The following SFI1 variants were observed in gnomAD, a reference collection of about 807,000 sequenced individuals.
SFI1 encodes the protein protein SFI1 homolog.
In SFI1, 195 loss-of-function variants were observed where a neutral mutation model predicts 207.5. That is an observed-to-expected ratio of 0.94 (90% CI 0.84 to 1.06). SFI1 has a LOEUF of 1.06. Ranked by LOEUF, SFI1 falls within the 50% of genes least tolerant of loss-of-function variation. The pLI, the probability that SFI1 is intolerant of heterozygous loss-of-function variation, is 0.00. For missense variants in SFI1, 1,634 were observed against 1,588.0 expected, an observed-to-expected ratio of 1.03 and a Z score of -0.49; for synonymous variants, 630 against 598.9, an observed-to-expected ratio of 1.05 and a Z score of -0.76.
intron 21 of SFI1, 40 bp downstream of exon 21, chr22:31,606,470 G>A (rs998951410): frequency 6.4e-7 from 1 of 1,556,414 alleles, no homozygotes; most frequent in Admixed American, 1.7e-5. Flanking sequence ...CAGGAGAGTT[G>A]GGACTGTGTT....
intron 8 of SFI1, among the ~76,000 whole-genome samples, chr22:31,565,701 AAAATAAAT>A (rs551290438): frequency 6.6e-6 from 1 of 152,114 alleles, no homozygotes; most frequent in Non-Finnish European, 1.5e-5. Flanking sequence ...CCCTGTCTCA[AAAATAAAT>A]AAATAAATAA....
At chr22:31,518,556 G>A (rs2056825139) in intron 2 of SFI1, among the ~76,000 whole-genome samples, 1 of 152,074 alleles carries the variant, frequency 6.6e-6, no homozygotes, top group African/African-American at 2.4e-5. Flanking sequence ...GCTGTCAACT[G>A]TATTAGTCTT....
intron 2 of SFI1, among the ~76,000 whole-genome samples, chr22:31,523,296 C>G (rs2057498602): frequency 6.6e-6 from 1 of 152,024 alleles, no homozygotes; most frequent in East Asian, 1.9e-4. Context: ...TTAAGGAGGG[C>G]CATTTACAAA....
chr22:31,545,067 C>T (rs539742142), intron 4 of SFI1, among the ~76,000 whole-genome samples: 2 of 151,928 alleles, frequency 1.3e-5, no homozygotes, highest in Non-Finnish European at 2.9e-5. Context: ...ACTTGGCTAA[C>T]TAAAAAAATT....
intron 15 of SFI1, among the ~76,000 whole-genome samples, chr22:31,601,227 C>A (rs949002132): frequency 2.8e-5 from 4 of 145,370 alleles, no homozygotes; most frequent in Non-Finnish European, 4.5e-5. Flanking sequence ...GGGTTCATGT[C>A]ATTCTCCTGC....
chr22:31,525,699 G>T (rs2057826467), intron 2 of SFI1, among the ~76,000 whole-genome samples: 1 of 151,628 alleles, frequency 6.6e-6, no homozygotes, highest in Non-Finnish European at 1.5e-5. Flanking sequence ...TGGGGCAACA[G>T]AATGAGACTC....
At chr22:31,500,909 C>T (rs1413638261) in intron 1 of SFI1, among the ~76,000 whole-genome samples, 3 of 151,494 alleles carry the variant, frequency 2.0e-5, no homozygotes, top group African/African-American at 7.3e-5. Context: ...AAGCAATTCT[C>T]CTGCCTCAGC....
At chr22:31,595,288 G>T (rs895789400) in intron 15 of SFI1, among the ~76,000 whole-genome samples, 1 of 152,182 alleles carries the variant, frequency 6.6e-6, no homozygotes, top group Non-Finnish European at 1.5e-5. Flanking sequence ...GAGCCACCAC[G>T]CCCAGCCTGT....
intron 10 of SFI1, 147 bp from the exon 11 acceptor site, chr22:31,578,235 G>A (rs1603115492): frequency 5.7e-6 from 3 of 529,662 alleles, no homozygotes; most frequent in Non-Finnish European, 9.2e-6. Flanking sequence ...GCTTCCCTGG[G>A]TCATCAGGAG....
At chr22:31,557,953 C>A (rs1662995218) in intron 7 of SFI1, among the ~76,000 whole-genome samples, 2 of 152,106 alleles carry the variant, frequency 1.3e-5, no homozygotes, top group African/African-American at 4.8e-5. Context: ...CCACTGGTGT[C>A]CTGAATGGTA....
chr22:31,590,193 G>A (rs2065662094), intron 15 of SFI1, among the ~76,000 whole-genome samples: 1 of 150,762 alleles, frequency 6.6e-6, no homozygotes, highest in Non-Finnish European at 1.5e-5. Flanking sequence ...GCTCTACTGA[G>A]CCCACAGATT....
At position 31,531,762 on chromosome 22, in the gene SFI1, G is replaced by A. The variant is rs188475108; in HGVS notation, c.338+633G>A. 2.8e-4 allele frequency among the ~76,000 whole-genome samples: 42 copies of A among 152,136 alleles called. No individual in the cohort carries two copies. The East Asian group carries it at 6.6e-3, about 24-fold the overall frequency. ...TACAAAATTAGCCGGACGTGGTGGC[G>A]CATGCCTGTAATCCCAGCTACTTGG... On this transcript the variant is annotated intron_variant, in intron 4 of 32. Transcript: ENST00000400288.
rs1452216744 is a variant in SFI1, at chr22:31,602,256, T to C, written c.1589T>C (p.Met530Thr). Residue 530 changes from methionine (M) to threonine (T), a missense_variant, in exon 16 of 33, where the codon ATG becomes ACG. By Grantham distance (81) the Met-to-Thr change is moderately conservative. Transcript: ENST00000400288. ...KQVFSLWRQK[M>T]FQHRENRLAE... ...GTATTTTCTCTCTGGAGGCAGAAGA[T>C]GTTTCAGCATCGAGAAAACCGCCTG... 33 of 1,614,180 alleles carry C rather than the reference T, an allele frequency of 2.0e-5. No homozygotes were observed. Among genetic ancestry groups the C allele is most frequent in the Non-Finnish European group, 2.8e-5 (33 of 1,180,018 alleles).
At chr22:31,528,601 G>GT in intron 2 of SFI1, 89 bp from the exon 3 acceptor site, 1 of 1,194,222 alleles carries the variant, frequency 8.4e-7, no homozygotes, top group Non-Finnish European at 1.2e-6. Flanking sequence ...GAGCTTATCT[G>GT]TTTAATTTTG....
Position 31,563,517 on chromosome 22 carries a change from C to A in SFI1, c.765+2125C>A, listed in dbSNP as rs565576366. 1.1e-4 allele frequency among the ~76,000 whole-genome samples: 16 copies of A among 152,226 alleles called. No homozygotes were observed. The South Asian group carries it at 2.9e-3, about 28-fold the overall frequency. The stretch of plus-strand genomic sequence containing the variant: ...CCTTTCTAAGAGCCACTTTGAGAGG[C>A]CATAAACTCATTCTACTGATGCTAC... On this transcript the variant is annotated intron_variant, in intron 8 of 32. Transcript: ENST00000400288.
intron 20 of SFI1, 94 bp downstream of exon 20, chr22:31,605,039 CG>C: frequency 8.8e-7 from 1 of 1,133,044 alleles, no homozygotes; most frequent in Non-Finnish European, 1.2e-6. Flanking sequence ...AGGGCCAGGT[CG>C]GGGATGATCC....
At chr22:31,542,085 A>G in intron 4 of SFI1, among the ~76,000 whole-genome samples, 1 of 133,136 alleles carries the variant, frequency 7.5e-6, no homozygotes. Flanking sequence ...TGGGTGACAG[A>G]GTGAGACCCC....
At chr22:31,539,973 T>A (rs1367664845) in intron 4 of SFI1, among the ~76,000 whole-genome samples, 1 of 150,806 alleles carries the variant, frequency 6.6e-6, no homozygotes, top group East Asian at 1.9e-4. Context: ...TACCTCGGCC[T>A]CCCAAAGTGC....
intron 10 of SFI1, among the ~76,000 whole-genome samples, chr22:31,576,089 A>G (rs77067323): frequency 0.084 from 12,769 of 151,568 alleles, 963 homozygotes; most frequent in East Asian, 0.4. Context: ...CAGTGGTACA[A>G]TCTCGGCTCA....
Sources: allele counts gnomAD v4.1 joint callset (sites outside exome capture counted in the v4.1 genomes callset), GRCh38; gene constraint gnomAD v4.1.1; transcripts MANE v1.5; gene names NCBI Gene and HGNC (gene_info 2026-07-23, HGNC 2026-07-21).